Variants in AUTS2 observed in about 807,000 individuals in gnomAD.
AUTS2 encodes the protein activator of transcription and developmental regulator AUTS2.
Under a neutral mutation model 112.4 loss-of-function variants are expected in AUTS2, and 17 were observed. The observed-to-expected ratio is 0.15, with a 90% CI of 0.10 to 0.23. The LOEUF is 0.23. AUTS2 is among the 10% of genes least tolerant of loss of function. The pLI is 1.00. For missense variants in AUTS2, 1,510 were observed against 1,701.6 expected (o/e 0.89, Z 1.98); for synonymous variants, 751 against 702.7 (o/e 1.07, Z -1.09).
intron 1 of AUTS2, among the ~76,000 whole-genome samples, chr7:69,841,331 G>A (rs1791971520): frequency 6.6e-6 from 1 of 152,116 alleles, no homozygotes; most frequent in Non-Finnish European, 1.5e-5. Context: ...CATGACGAAA[G>A]CAGGAGCAAG....
intron 5 of AUTS2, among the ~76,000 whole-genome samples, chr7:70,549,588 G>A (rs1800933642): frequency 6.6e-6 from 1 of 152,192 alleles, no homozygotes; most frequent in Admixed American, 6.5e-5. Flanking sequence ...AAGCTTTGGG[G>A]CACCAAAGCA....
intron 14 of AUTS2, among the ~76,000 whole-genome samples, chr7:70,777,872 G>T (rs1790808297): frequency 6.6e-6 from 1 of 152,176 alleles, no homozygotes; most frequent in Non-Finnish European, 1.5e-5. Context: ...TGTTGGGTTT[G>T]GGTTTTTGTA....
intron 1 of AUTS2, among the ~76,000 whole-genome samples, chr7:69,735,033 C>T (rs1399719608): frequency 6.6e-6 from 1 of 152,188 alleles, no homozygotes; most frequent in Non-Finnish European, 1.5e-5. Flanking sequence ...GATATTCAGA[C>T]AACTCTATTG....
chr7:70,544,329 A>G (rs951607546), intron 5 of AUTS2, among the ~76,000 whole-genome samples: 6 of 152,192 alleles, frequency 3.9e-5, no homozygotes, highest in African/African-American at 1.2e-4. Flanking sequence ...TTAAAAGTTA[A>G]TAACTACCTA....
At chr7:69,712,620 T>A (rs754236561) in intron 1 of AUTS2, among the ~76,000 whole-genome samples, 2 of 152,228 alleles carry the variant, frequency 1.3e-5, no homozygotes, top group Non-Finnish European at 2.9e-5. Flanking sequence ...TATCTATTTT[T>A]AAATTGCTGA....
rs1307224317 is a variant in AUTS2, at chr7:69,714,247, ATATGTGTG to A, written c.309+114287_309+114294del. Among the ~76,000 whole-genome samples, 204 of 42,336 alleles carry A rather than the reference ATATGTGTG, an allele frequency of 4.8e-3. 1 individual carries two copies. Among genetic ancestry groups the A allele is most frequent in the Middle Eastern group, 0.038 (3 of 78 alleles). The allele number at this position is 42,336 out of a possible 152,430, so 27.8% of individuals were successfully genotyped here. On this transcript the variant is annotated intron_variant, in intron 1 of 18. Coordinates refer to ENST00000342771, the MANE Select transcript of AUTS2 (RefSeq NM_015570.4). ...CCCAGCTAATTGTGCATGTGTGTGTATATGTGTGTGTGTGTGTGTGTGTGTGTGTGTGT... is the reference window on the plus strand; with the variant it reads ...CCCAGCTAATTGTGCATGTGTGTGTATGTGTGTGTGTGTGTGTGTGTGTGT...
chr7:70,379,506 A>G (rs1179717274), intron 4 of AUTS2, among the ~76,000 whole-genome samples: 2 of 152,008 alleles, frequency 1.3e-5, no homozygotes, highest in South Asian at 2.1e-4. Context: ...CGTCTCAAAA[A>G]AAAAAAAAGA....
chr7:69,856,692 T>A (rs976036478), intron 1 of AUTS2, among the ~76,000 whole-genome samples: 1 of 152,214 alleles, frequency 6.6e-6, no homozygotes, highest in Admixed American at 6.5e-5. Context: ...TCACACCTAC[T>A]CACTTAAGAA....
chr7:70,054,827 T>G (rs1801919115), intron 2 of AUTS2, among the ~76,000 whole-genome samples: 1 of 152,130 alleles, frequency 6.6e-6, no homozygotes, highest in African/African-American at 2.4e-5. Context: ...GTCCTTACTT[T>G]TCAGTAGGGG....
At chr7:69,884,417 C>T (rs961640247) in intron 1 of AUTS2, among the ~76,000 whole-genome samples, 7 of 152,156 alleles carry the variant, frequency 4.6e-5, no homozygotes, top group Admixed American at 1.3e-4. Flanking sequence ...TTAAAAGTAT[C>T]GACAGCATTT....
intron 2 of AUTS2, among the ~76,000 whole-genome samples, chr7:69,914,616 C>CA (rs1363236804): frequency 1.3e-5 from 2 of 151,672 alleles, no homozygotes; most frequent in Non-Finnish European, 2.9e-5. Flanking sequence ...ATTGCTAGTG[C>CA]AGCCAGGAAA....
In AUTS2 at chr7:70,771,518, C is replaced by A. The variant is rs1554483109; in HGVS notation, c.1735-31C>A. 6 of 1,566,824 alleles carry A rather than the reference C, an allele frequency of 3.8e-6. No homozygotes were observed. The East Asian group carries it at 6.8e-5, about 18-fold the overall frequency. ...TATGTCACTTGCCTCCTACTAAAAT[C>A]TTTTTTCCCCCTCTCCGTCTTTGGC... On this transcript the variant is annotated intron_variant, in intron 10 of 18. Transcript: ENST00000342771.
intron 4 of AUTS2, among the ~76,000 whole-genome samples, chr7:70,241,915 T>C (rs547270577): frequency 2.0e-5 from 3 of 152,310 alleles, no homozygotes; most frequent in South Asian, 2.1e-4. Flanking sequence ...AAATGCTTCA[T>C]TGAGGATGCT....
chr7:70,217,263 TG>T, intron 4 of AUTS2, among the ~76,000 whole-genome samples: 1 of 152,336 alleles, frequency 6.6e-6, no homozygotes, highest in East Asian at 1.9e-4. Context: ...TTCTTTCCAC[TG>T]GTGTTCACAT....
At chr7:69,727,397 C>G (rs1265402153) in intron 1 of AUTS2, among the ~76,000 whole-genome samples, 11 of 152,006 alleles carry the variant, frequency 7.2e-5, no homozygotes, top group Admixed American at 7.2e-4. Flanking sequence ...CAAGACCAGC[C>G]TGGCCAATAT....
intron 1 of AUTS2, among the ~76,000 whole-genome samples, chr7:69,778,827 T>C (rs954614733): frequency 1.3e-5 from 2 of 152,008 alleles, no homozygotes; most frequent in Admixed American, 1.3e-4. Flanking sequence ...TAATAAGCAT[T>C]CACTGACCAC....
At chr7:69,688,251 CAG>C (rs1229869735) in intron 1 of AUTS2, among the ~76,000 whole-genome samples, 4 of 152,194 alleles carry the variant, frequency 2.6e-5, no homozygotes, top group African/African-American at 9.7e-5. Context: ...GTTTCCCAGT[CAG>C]GGGAGCATGC....
chr7:70,378,438 C>T (rs1354560673), intron 4 of AUTS2, among the ~76,000 whole-genome samples: 2 of 152,138 alleles, frequency 1.3e-5, no homozygotes, highest in African/African-American at 4.8e-5. Context: ...CTATGATGCA[C>T]AAAAAGATCT....
intron 2 of AUTS2, among the ~76,000 whole-genome samples, chr7:69,911,939 C>T (rs918239686): frequency 5.3e-5 from 8 of 152,158 alleles, no homozygotes; most frequent in Admixed American, 1.3e-4. Flanking sequence ...CCTTTCTGCC[C>T]TGAAACCTGT....
Sources: gnomAD v4.1 joint callset for allele counts (sites outside exome capture counted in the v4.1 genomes callset) on GRCh38, gnomAD v4.1.1 for gene constraint, MANE v1.5 for transcripts, NCBI Gene and HGNC (gene_info 2026-07-23, HGNC 2026-07-21) for gene names.